TRHR: variants seen among roughly 807,000 people sequenced by gnomAD.
The protein encoded by TRHR is thyrotropin releasing hormone receptor, also known as thyrotropin-releasing hormone receptor.
In TRHR, 14 loss-of-function variants were observed where a neutral mutation model predicts 28.0. The observed-to-expected ratio is 0.50, with a 90% confidence interval of 0.33 to 0.78. The LOEUF is 0.78. Ranked by LOEUF, TRHR falls within the 30% of genes least tolerant of loss-of-function variation. TRHR has a pLI of 0.02. For synonymous variants in TRHR, 176 were observed against 171.9 expected, an observed-to-expected ratio of 1.02 and a Z score of -0.18; for missense variants, 438 against 469.5, an observed-to-expected ratio of 0.93 and a Z score of 0.62.
At chr8:109,115,900 T>C (rs1381943106) in intron 2 of TRHR, among the ~76,000 whole-genome samples, 1 of 152,150 alleles carries the variant, frequency 6.6e-6, no homozygotes, top group Non-Finnish European at 1.5e-5. Context: ...TCAGAGGGAA[T>C]GCTTCCAGTT....
In TRHR at chr8:109,119,495, A is replaced by T; in HGVS notation, c.*40A>T. The T allele has an allele frequency of 6.2e-7, 1 of 1,604,934 alleles. No individual in the cohort carries two copies. Among genetic ancestry groups the T allele is most frequent in the Non-Finnish European group, 8.5e-7 (1 of 1,176,758 alleles). ...GAAAATGGATGACAAAGAAAATGAG[A>T]ATCTGTGCAGTCATCAACAAAAGGG... On this transcript the variant is annotated 3_prime_UTR_variant, in exon 3 of 3. Transcript: ENST00000518632.
intron 2 of TRHR, among the ~76,000 whole-genome samples, chr8:109,095,597 C>A (rs1811576926): frequency 6.6e-6 from 1 of 152,122 alleles, no homozygotes; most frequent in Non-Finnish European, 1.5e-5. Context: ...TTCTTCTACG[C>A]CCATGCTTAC....
At chr8:109,105,220 C>T (rs527464039) in intron 2 of TRHR, among the ~76,000 whole-genome samples, 43 of 152,174 alleles carry the variant, frequency 2.8e-4, no homozygotes, top group African/African-American at 9.9e-4. Context: ...AGTTCATGGT[C>T]ACCCATTCAA....
intron 2 of TRHR, among the ~76,000 whole-genome samples, chr8:109,116,868 C>T (rs757365951): frequency 6.6e-6 from 1 of 151,900 alleles, no homozygotes; most frequent in Non-Finnish European, 1.5e-5. Context: ...GAGAGATCAA[C>T]AAGTATAGGT....
At position 109,120,812 on chromosome 8, in the gene TRHR, C is replaced by T. The variant is rs1015223268; in HGVS notation, c.*1357C>T. On this transcript the variant is annotated 3_prime_UTR_variant, in exon 3 of 3. Coordinates refer to ENST00000518632, the MANE Select transcript of TRHR (RefSeq NM_003301.7). Reference sequence around the variant, plus strand: ...TTGAGATTTGGCCAACCAGAATCTCCGAGGGCAAAAATTGCCCTTGGTGAT... The same window carrying T: ...TTGAGATTTGGCCAACCAGAATCTCTGAGGGCAAAAATTGCCCTTGGTGAT... Among the ~76,000 whole-genome samples, 6 of 151,450 alleles carry T rather than the reference C, an allele frequency of 4.0e-5. No individual in the cohort carries two copies. The highest frequency in any genetic ancestry group is 4.4e-5 in the Non-Finnish European group (3 of 67,748).
chr8:109,088,357 G>A, intron 2 of TRHR, 56 bp downstream of exon 2: 3 of 1,583,224 alleles, frequency 1.9e-6, no homozygotes, highest in South Asian at 2.3e-5. Flanking sequence ...GAGTTCCTTG[G>A]AGATGGGAAA....
Position 109,119,168 on chromosome 8 carries a change from T to C in TRHR, c.910T>C (p.Phe304Leu). Residue 304 changes from phenylalanine to leucine, a missense_variant, in exon 3 of 3, where the codon TTT (phenylalanine) becomes CTT (leucine). Physicochemically the swap from Phe to Leu is conservative, Grantham distance 22. Coordinates refer to ENST00000518632, the MANE Select transcript of TRHR (RefSeq NM_003301.7). The part of the protein sequence containing the change: ...SPFQENWFLL[F>L]CRICIYLNSA... ...TTTCCAAGAAAATTGGTTTTTGCTC[T>C]TTTGCAGAATTTGCATTTATCTCAA... 1 of 1,612,902 alleles carries C rather than the reference T, an allele frequency of 6.2e-7. No homozygotes were observed. The highest frequency in any genetic ancestry group is 8.5e-7 in the Non-Finnish European group (1 of 1,179,258).
chr8:109,095,376 T>C (rs1034081719), intron 2 of TRHR, among the ~76,000 whole-genome samples: 1 of 151,894 alleles, frequency 6.6e-6, no homozygotes, highest in Non-Finnish European at 1.5e-5. Flanking sequence ...CAAGCAGCTA[T>C]AAAGTCAGAG....
chr8:109,098,647 C>G (rs765213215), intron 2 of TRHR, among the ~76,000 whole-genome samples: 3 of 152,194 alleles, frequency 2.0e-5, no homozygotes, highest in Non-Finnish European at 4.4e-5. Context: ...CATCTGCCCT[C>G]TGTCCCCCAA....
chr8:109,120,240 C>T lies in TRHR; in HGVS notation c.*785C>T, dbSNP rs1265981587. ...AAGTAACTGTGAAGATACAAACTAA[C>T]ATACAATTAAATTTGAAAAGTATAG... On this transcript the variant is annotated 3_prime_UTR_variant, in exon 3 of 3. Coordinates refer to ENST00000518632, the MANE Select transcript of TRHR (RefSeq NM_003301.7). 6.6e-6 allele frequency among the ~76,000 whole-genome samples: 1 copy of T among 151,822 alleles called. No individual in the cohort carries two copies. Among genetic ancestry groups the T allele is most frequent in the East Asian group, 1.9e-4 (1 of 5,168 alleles).
intron 2 of TRHR, among the ~76,000 whole-genome samples, chr8:109,090,375 G>A (rs924818579): frequency 6.6e-6 from 1 of 152,218 alleles, no homozygotes; most frequent in African/African-American, 2.4e-5. Context: ...TTGAACAAAT[G>A]TGTATATGAC....
chr8:109,089,647 C>T (rs1811494056), intron 2 of TRHR, among the ~76,000 whole-genome samples: 1 of 151,926 alleles, frequency 6.6e-6, no homozygotes, highest in African/African-American at 2.4e-5. Context: ...TTTCTTTTGC[C>T]TTGGATCTAG....
chr8:109,095,945 G>A (rs73311309), intron 2 of TRHR, among the ~76,000 whole-genome samples: 11,654 of 151,666 alleles, frequency 0.077, 1,530 homozygotes, highest in African/African-American at 0.27. Context: ...GCCTCTCACT[G>A]CCCTATTTCA....
rs1438886662 is a variant in TRHR at position 109,120,330 on chromosome 8, T to C, written c.*875T>C. The stretch of plus-strand genomic sequence containing the variant: ...TCTCTGACGCTTTTAAGCAATAAAA[T>C]CTTTTTGAACATTCTTGTTTATAAA... On this transcript the variant is annotated 3_prime_UTR_variant, in exon 3 of 3. Coordinates refer to ENST00000518632, the MANE Select transcript of TRHR (RefSeq NM_003301.7). Among the ~76,000 whole-genome samples, 3 of 151,902 alleles carry C rather than the reference T, an allele frequency of 2.0e-5. No homozygotes were observed. Among genetic ancestry groups the C allele is most frequent in the African/African-American group, 7.2e-5 (3 of 41,406 alleles).
At position 109,117,153 on chromosome 8, in the gene TRHR, T is replaced by C. The variant is rs7823804; in HGVS notation, c.790-1895T>C. On this transcript the variant is annotated intron_variant, in intron 2 of 2. Transcript: ENST00000518632. ...TGTTGTTGGGTTTATAATTGAAGAA[T>C]TTAAGTGTTTGGGTGATCATAATGG... Among the ~76,000 whole-genome samples, 673 of 151,794 alleles carry C rather than the reference T, an allele frequency of 4.4e-3. 8 individuals are homozygous for C. Among genetic ancestry groups the C allele is most frequent in the African/African-American group, 0.015 (629 of 41,412 alleles).
chr8:109,109,729 G>A (rs970818380), intron 2 of TRHR, among the ~76,000 whole-genome samples: 1 of 152,100 alleles, frequency 6.6e-6, no homozygotes, highest in African/African-American at 2.4e-5. Context: ...GTGCAACTTA[G>A]CATTGAACCC....
intron 2 of TRHR, among the ~76,000 whole-genome samples, chr8:109,115,929 T>C (rs566872098): frequency 6.6e-6 from 1 of 152,288 alleles, no homozygotes; most frequent in South Asian, 2.1e-4. Context: ...TTCAGTATGA[T>C]ATTGGCTGTG....
rs1811974105 is a variant in TRHR at position 109,119,512 on chromosome 8, A to G, written c.*57A>G. ...AAAATGAGAATCTGTGCAGTCATCAACAAAAGGGAGAACATGGCCAATAGT... is the reference window on the plus strand; with the variant it reads ...AAAATGAGAATCTGTGCAGTCATCAGCAAAAGGGAGAACATGGCCAATAGT... On this transcript the variant is annotated 3_prime_UTR_variant, in exon 3 of 3. Coordinates refer to ENST00000518632, the MANE Select transcript of TRHR (RefSeq NM_003301.7). 2.4e-5 allele frequency: 38 copies of G among 1,590,318 alleles called. No homozygotes were observed. In the South Asian group the frequency reaches 4.0e-4, roughly 17 times the overall value.
At position 109,119,021 on chromosome 8, in the gene TRHR, A is replaced by G. The variant is rs749580436; in HGVS notation, c.790-27A>G. On this transcript the variant is annotated intron_variant, in intron 2 of 2. Transcript: ENST00000518632. ...TTGTTTTGTTTTCATTTGTGTTTGTACAGCATTTCTCTCTATTTCTCCCTA... is the reference window on the plus strand; with the variant it reads ...TTGTTTTGTTTTCATTTGTGTTTGTGCAGCATTTCTCTCTATTTCTCCCTA... The G allele has an allele frequency of 1.9e-6, 3 of 1,611,976 alleles. No individual in the cohort carries two copies. The African/African-American group carries it at 4.0e-5, about 22-fold the overall frequency.
Sources: gnomAD v4.1 joint callset for allele counts (sites outside exome capture counted in the v4.1 genomes callset) on GRCh38, gnomAD v4.1.1 for gene constraint, MANE v1.5 for transcripts, NCBI Gene and HGNC (gene_info 2026-07-23, HGNC 2026-07-21) for gene names.